The following ZFHX4 variants were observed in gnomAD, a reference collection of about 807,000 sequenced individuals.
ZFHX4 encodes the protein zinc finger homeobox protein 4.
A neutral mutation model predicts 267.6 loss-of-function variants in ZFHX4; 56 were observed. That is an observed-to-expected ratio of 0.21 (90% CI 0.17 to 0.26). The LOEUF (loss-of-function observed/expected upper bound fraction) is 0.26. Among genes scored for constraint, ZFHX4 ranks in the 10% least tolerant of loss-of-function variants. The pLI is 1.00. For synonymous variants in ZFHX4, 1,778 were observed against 1,665.6 expected (o/e 1.07, Z -1.64); for missense variants, 4,332 against 4,420.0 (o/e 0.98, Z 0.56).
chr8:76,706,049 A>C lies in ZFHX4; in HGVS notation c.1961A>C (p.Lys654Thr). Reference sequence around the variant, plus strand: ...TGTCCTAAATGTAACTGGCACTACAAATATCAGCAGACCCTGGAGGCCCAT... The same window carrying C: ...TGTCCTAAATGTAACTGGCACTACACATATCAGCAGACCCTGGAGGCCCAT... ...LKCPKCNWHY[K>T]YQQTLEAHMK... is the part of the protein sequence containing the mutation. The change falls in exon 2 of 11, where the codon AAA (lysine) becomes ACA (threonine). Residue 654 changes from lysine to threonine, a missense_variant. Lys to Thr is a moderately conservative substitution (Grantham distance 78). Coordinates refer to ENST00000651372, the MANE Select transcript of ZFHX4 (RefSeq NM_024721.5). 6.2e-7 allele frequency: 1 copy of C among 1,613,642 alleles called. No homozygotes were observed. Among genetic ancestry groups the C allele is most frequent in the Non-Finnish European group, 8.5e-7 (1 of 1,179,824 alleles).
intron 4 of ZFHX4, among the ~76,000 whole-genome samples, chr8:76,787,108 A>G (rs894355148): frequency 6.6e-6 from 1 of 152,180 alleles, no homozygotes; most frequent in East Asian, 1.9e-4. Context: ...TCAAATCAAC[A>G]AAACAACAAA....
intron 3 of ZFHX4, among the ~76,000 whole-genome samples, chr8:76,769,229 G>A (rs1003908824): frequency 1.3e-5 from 2 of 152,182 alleles, no homozygotes; most frequent in Non-Finnish European, 2.9e-5. Flanking sequence ...CTTTCCATAT[G>A]TGAGAAACAA....
chr8:76,694,701 T>TCTGCCCCCGCCC (rs1356976114), intron 1 of ZFHX4, among the ~76,000 whole-genome samples: 1 of 73,136 alleles, frequency 1.4e-5, no homozygotes, highest in Non-Finnish European at 2.5e-5. Context: ...CGCCCCCGCC[T>TCTGCCCCCGCCC]CTGCCCCCGC....
At chr8:76,698,597 A>AGG (rs78765710) in intron 1 of ZFHX4, among the ~76,000 whole-genome samples, 3 of 151,742 alleles carry the variant, frequency 2.0e-5, no homozygotes, top group African/African-American at 7.3e-5. Flanking sequence ...AAAGAATGAG[A>AGG]GGGAGAAGAA....
chr8:76,705,114 T>C lies in ZFHX4; in HGVS notation c.1026T>C (p.Thr342=). The change falls in exon 2 of 11, where the codon ACT becomes ACC. Residue 342 remains threonine, a synonymous_variant. Coordinates refer to ENST00000651372, the MANE Select transcript of ZFHX4 (RefSeq NM_024721.5). The part of the protein sequence containing the change: ...LISFLEPKKS[T]SVYPHFSTTN... ...GCTTTCTGGAACCAAAAAAATCCAC[T>C]TCTGTTTATCCCCATTTTTCTACTA... 6.2e-7 allele frequency: 1 copy of C among 1,613,618 alleles called. No individual in the cohort carries two copies. The highest frequency in any genetic ancestry group is 8.5e-7 in the Non-Finnish European group (1 of 1,179,824).
intron 1 of ZFHX4, among the ~76,000 whole-genome samples, chr8:76,700,476 T>C (rs910960957): frequency 6.6e-6 from 1 of 152,180 alleles, no homozygotes; most frequent in Non-Finnish European, 1.5e-5. Context: ...ATGGGAACTC[T>C]GCTTTCTGAA....
chr8:76,801,209 A>G (rs1340191692), intron 4 of ZFHX4, among the ~76,000 whole-genome samples: 2 of 152,074 alleles, frequency 1.3e-5, no homozygotes, highest in African/African-American at 2.4e-5. Flanking sequence ...CTCACAGTGC[A>G]TTTGTCATTT....
chr8:76,799,406 G>GT (rs1811062479), intron 4 of ZFHX4, among the ~76,000 whole-genome samples: 1 of 152,276 alleles, frequency 6.6e-6, no homozygotes, highest in Admixed American at 6.5e-5. Flanking sequence ...CACCTGCAGG[G>GT]TTGCCTAGTA....
intron 3 of ZFHX4, among the ~76,000 whole-genome samples, chr8:76,752,523 T>G (rs1193761812): frequency 6.6e-6 from 1 of 150,598 alleles, no homozygotes; most frequent in Non-Finnish European, 1.5e-5. Context: ...AAAAGAACTT[T>G]AGCTGGGCAT....
intron 4 of ZFHX4, among the ~76,000 whole-genome samples, chr8:76,818,331 G>A (rs1029746058): frequency 2.6e-5 from 4 of 152,100 alleles, no homozygotes; most frequent in African/African-American, 4.8e-5. Flanking sequence ...ATAAGACTGC[G>A]GGAGAAGCAA....
chr8:76,708,359 ATT>A (rs561971571), intron 3 of ZFHX4: 1,239 of 222,536 alleles, frequency 5.6e-3, no homozygotes, highest in South Asian at 0.012. Context: ...AAACCTATTG[ATT>A]TTTTTTTTTT....
At position 76,763,097 on chromosome 8, in the gene ZFHX4, G is replaced by A. The variant is rs111344554; in HGVS notation, c.3094-15111G>A. On this transcript the variant is annotated intron_variant, in intron 3 of 10. Transcript: ENST00000651372. ...CTCACGGCATCCAGATGTTGAGGAA[G>A]AGACACCATTGTCATTGTTTTCTCT... 5.5e-3 allele frequency among the ~76,000 whole-genome samples: 832 copies of A among 152,242 alleles called. 11 individuals are homozygous for A. Among genetic ancestry groups the A allele is most frequent in the African/African-American group, 0.019 (782 of 41,556 alleles).
chr8:76,740,025 C>A (rs995041512), intron 3 of ZFHX4, among the ~76,000 whole-genome samples: 1 of 152,024 alleles, frequency 6.6e-6, no homozygotes, highest in African/African-American at 2.4e-5. Flanking sequence ...ATAAGGTAGA[C>A]CTCAAATATA....
chr8:76,701,521 A>T (rs1310953508), intron 1 of ZFHX4, among the ~76,000 whole-genome samples: 3 of 152,320 alleles, frequency 2.0e-5, no homozygotes, highest in East Asian at 1.9e-4. Context: ...TAAGTAAAAG[A>T]AAAAGATCGG....
At chr8:76,844,021 T>C (rs1812302715) in intron 6 of ZFHX4, among the ~76,000 whole-genome samples, 1 of 152,072 alleles carries the variant, frequency 6.6e-6, no homozygotes, top group Admixed American at 6.6e-5. Context: ...ACAAAGAAGA[T>C]CTAAGGTTGG....
At chr8:76,850,555 G>A (rs1401512051) in intron 9 of ZFHX4, among the ~76,000 whole-genome samples, 193 bp downstream of exon 9, 1 of 152,212 alleles carries the variant, frequency 6.6e-6, no homozygotes, top group African/African-American at 2.4e-5. Context: ...GGGGACCCAA[G>A]TGTCAGACAC....
At chr8:76,698,902 T>C (rs1808028477) in intron 1 of ZFHX4, among the ~76,000 whole-genome samples, 2 of 152,182 alleles carry the variant, frequency 1.3e-5, no homozygotes, top group Admixed American at 6.5e-5. Flanking sequence ...TTTGCAGTTC[T>C]CTTCATTAAT....
At chr8:76,845,622 T>A (rs1436243646) in intron 6 of ZFHX4, among the ~76,000 whole-genome samples, 2 of 152,042 alleles carry the variant, frequency 1.3e-5, no homozygotes, top group African/African-American at 2.4e-5. Flanking sequence ...CTCAGTACTT[T>A]TATTTTTTTA....
At chr8:76,721,082 T>G (rs900948546) in intron 3 of ZFHX4, among the ~76,000 whole-genome samples, 15 of 152,020 alleles carry the variant, frequency 9.9e-5, no homozygotes, top group African/African-American at 3.6e-4. Context: ...TAGTTGGTCT[T>G]TGAGGGGGAC....
Sources: gnomAD v4.1 joint callset for allele counts (sites outside exome capture counted in the v4.1 genomes callset) on GRCh38, gnomAD v4.1.1 for gene constraint, MANE v1.5 for transcripts, NCBI Gene and HGNC (gene_info 2026-07-23, HGNC 2026-07-21) for gene names.